The following DLG2 variants were observed in gnomAD, a reference collection of about 807,000 sequenced individuals.
DLG2 encodes disks large homolog 2.
Under a neutral mutation model 132.5 loss-of-function variants are expected in DLG2, and 45 were observed. The observed-to-expected ratio is 0.34, with a 90% confidence interval of 0.27 to 0.44. The LOEUF is 0.44. Ranked by LOEUF, DLG2 falls within the 20% of genes least tolerant of loss-of-function variation. DLG2 has a pLI of 1.00. For missense variants in DLG2, 1,045 were observed against 1,196.9 expected (o/e 0.87, Z 1.87); for synonymous variants, 424 against 419.6 (o/e 1.01, Z -0.13).
chr11:85,585,743 T>G (rs2078925283), intron 3 of DLG2, among the ~76,000 whole-genome samples: 2 of 151,688 alleles, frequency 1.3e-5, no homozygotes, highest in African/African-American at 4.9e-5. Context: ...AGATGGAGTC[T>G]CACTCTGTCA....
chr11:84,672,301 T>G (rs1345770334), intron 6 of DLG2, among the ~76,000 whole-genome samples: 1 of 152,140 alleles, frequency 6.6e-6, no homozygotes, highest in African/African-American at 2.4e-5. Flanking sequence ...TGAGTTGGAA[T>G]GAGTCACATG....
Position 83,850,903 on chromosome 11 carries a change from G to A in DLG2, c.1566-17133C>T, listed in dbSNP as rs145987660. Among the ~76,000 whole-genome samples, 872 of 152,250 alleles carry A rather than the reference G, an allele frequency of 5.7e-3. 13 individuals carry two copies. Among genetic ancestry groups the A allele is most frequent in the African/African-American group, 0.02 (841 of 41,544 alleles). ...CCCTAAAGAAATTTTGAGGCCGGGC[G>A]CGGTGGCTCACACCTGTAATCCCAC... On this transcript the variant is annotated intron_variant, in intron 16 of 27. Transcript: ENST00000376104.
At chr11:83,707,769 C>T (rs12787861) in intron 18 of DLG2, among the ~76,000 whole-genome samples, 6,199 of 152,302 alleles carry the variant, frequency 0.041, 175 homozygotes, top group Middle Eastern at 0.092. Flanking sequence ...AGTGCACTCA[C>T]GGTTCTTGAA....
At chr11:84,881,636 C>G (rs1237631434) in intron 6 of DLG2, among the ~76,000 whole-genome samples, 1 of 152,056 alleles carries the variant, frequency 6.6e-6, no homozygotes, top group African/African-American at 2.4e-5. Flanking sequence ...ATAGCTTTCC[C>G]CAGTCATTGC....
chr11:84,667,483 T>TTG lies in DLG2; in HGVS notation c.358-132753_358-132752insCA, dbSNP rs1396484279. ...ATTGATTCAAGTTTTTTTTTGTTTT[T>TTG]GTTTTTTGTTTTTTGTTTTTTTTTT... On this transcript the variant is annotated intron_variant, in intron 6 of 27. Coordinates refer to ENST00000376104, the MANE Select transcript of DLG2 (RefSeq NM_001142699.3). Among the ~76,000 whole-genome samples, 169 of 36,444 alleles carry TTG rather than the reference T, an allele frequency of 4.6e-3. 1 individual carries two copies. Among genetic ancestry groups the TTG allele is most frequent in the African/African-American group, 0.019 (149 of 7,686 alleles). 23.9% of individuals were successfully genotyped at this position (36,444 alleles called of 152,430 possible).
intron 3 of DLG2, among the ~76,000 whole-genome samples, chr11:85,476,544 A>T (rs1359516745): frequency 6.6e-6 from 1 of 152,102 alleles, no homozygotes; most frequent in Non-Finnish European, 1.5e-5. Context: ...AAACACAAAC[A>T]CACATTATAG....
chr11:83,538,164 A>G (rs2095946079), intron 20 of DLG2, among the ~76,000 whole-genome samples: 1 of 152,244 alleles, frequency 6.6e-6, no homozygotes, highest in East Asian at 1.9e-4. Flanking sequence ...AAAGATGATT[A>G]TGATAACGCT....
intron 6 of DLG2, among the ~76,000 whole-genome samples, chr11:85,087,129 G>A (rs1026809606): frequency 6.6e-6 from 1 of 152,238 alleles, no homozygotes; most frequent in Middle Eastern, 3.4e-3. Flanking sequence ...CATTATGCTA[G>A]GTACTAGGTA....
At chr11:84,800,339 T>C (rs1437169362) in intron 6 of DLG2, among the ~76,000 whole-genome samples, 1 of 152,220 alleles carries the variant, frequency 6.6e-6, no homozygotes, top group African/African-American at 2.4e-5. Flanking sequence ...ATTTTAAAGA[T>C]AGTGTTTCAA....
intron 3 of DLG2, among the ~76,000 whole-genome samples, chr11:85,352,259 C>T (rs2083350135): frequency 6.6e-6 from 1 of 152,020 alleles, no homozygotes. Context: ...GGTGATATCC[C>T]CTTTATCATT....
intron 6 of DLG2, among the ~76,000 whole-genome samples, chr11:84,641,826 T>C (rs927366083): frequency 6.6e-6 from 1 of 151,974 alleles, no homozygotes; most frequent in African/African-American, 2.4e-5. Context: ...CAATAAATTC[T>C]ATACGAGTTT....
At chr11:83,655,298 A>G (rs1473511187) in intron 18 of DLG2, among the ~76,000 whole-genome samples, 1 of 152,270 alleles carries the variant, frequency 6.6e-6, no homozygotes, top group Non-Finnish European at 1.5e-5. Flanking sequence ...GAAAGACAAT[A>G]AACATGAACA....
chr11:83,693,438 G>A (rs1469033309), intron 18 of DLG2, among the ~76,000 whole-genome samples: 2 of 152,130 alleles, frequency 1.3e-5, no homozygotes, highest in South Asian at 2.1e-4. Flanking sequence ...CAGGCAACAC[G>A]CAATCAAACC....
chr11:83,871,347 T>G (rs2063402771), intron 16 of DLG2, among the ~76,000 whole-genome samples: 1 of 152,246 alleles, frequency 6.6e-6, no homozygotes, highest in African/African-American at 2.4e-5. Flanking sequence ...ATAGTTTTGT[T>G]GTCTCAATGG....
intron 3 of DLG2, among the ~76,000 whole-genome samples, chr11:85,429,023 T>C (rs1202895110): frequency 1.3e-5 from 2 of 151,140 alleles, no homozygotes; most frequent in Admixed American, 1.3e-4. Flanking sequence ...AACTAGAAAA[T>C]CTAGAAGAAA....
intron 3 of DLG2, among the ~76,000 whole-genome samples, chr11:85,531,840 T>C (rs2075232815): frequency 6.6e-6 from 1 of 152,210 alleles, no homozygotes; most frequent in Non-Finnish European, 1.5e-5. Context: ...GAATAGATTA[T>C]AAATCTCCCA....
At chr11:84,844,790 A>C (rs914453255) in intron 6 of DLG2, among the ~76,000 whole-genome samples, 1 of 152,134 alleles carries the variant, frequency 6.6e-6, no homozygotes, top group African/African-American at 2.4e-5. Flanking sequence ...TAAAAGATAC[A>C]TATAACAGGT....
chr11:84,822,254 A>C (rs1018822736), intron 6 of DLG2, among the ~76,000 whole-genome samples: 1 of 151,458 alleles, frequency 6.6e-6, no homozygotes, highest in Non-Finnish European at 1.5e-5. Flanking sequence ...TCCTCCTCCT[A>C]CTCCCAGTTG....
chr11:84,614,038 GA>G (rs1431033187), intron 6 of DLG2, among the ~76,000 whole-genome samples: 1 of 152,162 alleles, frequency 6.6e-6, no homozygotes, highest in Non-Finnish European at 1.5e-5. Flanking sequence ...AAACAACTGT[GA>G]ATATGTAACA....
Sources: gnomAD v4.1 joint callset for allele counts (sites outside exome capture counted in the v4.1 genomes callset) on GRCh38, gnomAD v4.1.1 for gene constraint, MANE v1.5 for transcripts, NCBI Gene and HGNC (gene_info 2026-07-23, HGNC 2026-07-21) for gene names.